CACNA2D3: variants seen among roughly 807,000 people sequenced by gnomAD.
The protein encoded by CACNA2D3 is calcium voltage-gated channel auxiliary subunit alpha2delta 3, also known as voltage-dependent calcium channel subunit alpha-2/delta-3.
In CACNA2D3, 60 loss-of-function variants were observed where a neutral mutation model predicts 160.6. The observed-to-expected ratio is 0.37, with a 90% CI of 0.30 to 0.46. CACNA2D3 has a LOEUF of 0.46. CACNA2D3 is among the 20% of genes least tolerant of loss of function. CACNA2D3 has a pLI of 1.00. For synonymous variants in CACNA2D3, 558 were observed against 492.9 expected, an observed-to-expected ratio of 1.13 and a Z score of -1.75; for missense variants, 1,205 against 1,365.0, an observed-to-expected ratio of 0.88 and a Z score of 1.85.
At chr3:54,812,325 G>T (rs1703338823) in intron 13 of CACNA2D3, among the ~76,000 whole-genome samples, 2 of 151,892 alleles carry the variant, frequency 1.3e-5, no homozygotes, top group Non-Finnish European at 2.9e-5. Context: ...CCAATTGCAG[G>T]TATGTGGTAC....
At chr3:54,788,466 T>C (rs910745293) in intron 13 of CACNA2D3, among the ~76,000 whole-genome samples, 1 of 152,180 alleles carries the variant, frequency 6.6e-6, no homozygotes, top group African/African-American at 2.4e-5. Flanking sequence ...TTCCTCTTAG[T>C]ATCCATTCAA....
intron 10 of CACNA2D3, chr3:54,632,209 A>G (rs965300620): frequency 6.6e-6 from 1 of 152,272 alleles, no homozygotes; most frequent in African/African-American, 2.4e-5. Flanking sequence ...GGACTCAGCC[A>G]GAGAAGAAAG....
At chr3:54,891,624 C>A (rs1700070976) in intron 25 of CACNA2D3, among the ~76,000 whole-genome samples, 174 bp downstream of exon 25, 1 of 152,230 alleles carries the variant, frequency 6.6e-6, no homozygotes, top group African/African-American at 2.4e-5. Flanking sequence ...CATGTGCTTT[C>A]ACCTGCCTGT....
intron 2 of CACNA2D3, among the ~76,000 whole-genome samples, chr3:54,271,020 A>G (rs1427757597): frequency 6.6e-6 from 1 of 152,236 alleles, no homozygotes; most frequent in African/African-American, 2.4e-5. Flanking sequence ...GGAAGGAGGC[A>G]GGAGGGCTGC....
intron 2 of CACNA2D3, among the ~76,000 whole-genome samples, chr3:54,320,044 A>G (rs1213555936): frequency 3.9e-5 from 6 of 152,214 alleles, no homozygotes; most frequent in African/African-American, 1.2e-4. Flanking sequence ...AGGGACCCAT[A>G]GGAGTTTTGG....
At chr3:54,916,544 C>T (rs1318911633) in intron 27 of CACNA2D3, among the ~76,000 whole-genome samples, 1 of 152,108 alleles carries the variant, frequency 6.6e-6, no homozygotes, top group African/African-American at 2.4e-5. Flanking sequence ...AACTTTGTCC[C>T]CTAGAAAAAT....
chr3:54,751,586 T>G (rs531785278), intron 11 of CACNA2D3, among the ~76,000 whole-genome samples: 5 of 152,264 alleles, frequency 3.3e-5, no homozygotes, highest in South Asian at 4.1e-4. Flanking sequence ...GTGGAGCAGA[T>G]CGACTTCACA....
At chr3:54,711,730 A>T (rs1700957409) in intron 11 of CACNA2D3, among the ~76,000 whole-genome samples, 1 of 152,206 alleles carries the variant, frequency 6.6e-6, no homozygotes. Context: ...TCTGGGAAAA[A>T]GGAGAAATAG....
chr3:54,516,273 T>G (rs1343957877), intron 5 of CACNA2D3, among the ~76,000 whole-genome samples: 1 of 152,208 alleles, frequency 6.6e-6, no homozygotes, highest in Non-Finnish European at 1.5e-5. Context: ...ATGACCTTTC[T>G]TATTTCTGAA....
chr3:54,196,499 A>C (rs1464674180), intron 2 of CACNA2D3, among the ~76,000 whole-genome samples: 1 of 152,226 alleles, frequency 6.6e-6, no homozygotes, highest in Non-Finnish European at 1.5e-5. Flanking sequence ...CCCACGTCAC[A>C]GCCCTCCCAG....
intron 10 of CACNA2D3, chr3:54,638,271 C>T (rs1360175132): frequency 1.3e-5 from 2 of 151,962 alleles, no homozygotes; most frequent in Non-Finnish European, 2.9e-5. Context: ...GAGCCATGAA[C>T]TGGGCTAGAT....
chr3:54,412,665 A>G (rs554959119), intron 4 of CACNA2D3, among the ~76,000 whole-genome samples: 1 of 126,200 alleles, frequency 7.9e-6, no homozygotes, highest in South Asian at 2.6e-4. Context: ...TTAGTCATTT[A>G]CACTTTATGT....
intron 11 of CACNA2D3, among the ~76,000 whole-genome samples, chr3:54,689,510 TC>T (rs778791544): frequency 2.2e-4 from 33 of 152,112 alleles, no homozygotes; most frequent in Admixed American, 3.9e-4. Context: ...CTAATGGGCA[TC>T]TCAGACTTCT....
At chr3:54,350,982 G>GTTTTTTTTTTTTTTTTTTTTTTTTTTT (rs1491034355) in intron 3 of CACNA2D3, among the ~76,000 whole-genome samples, 1 of 61,800 alleles carries the variant, frequency 1.6e-5, no homozygotes, top group Non-Finnish European at 3.0e-5. Context: ...TTTTTTTTTT[G>GTTTTTTTTTTTTTTTTTTTTTTTTTTT]TTTGTTTTTT....
At position 54,296,261 on chromosome 3, in the gene CACNA2D3, C is replaced by G. The variant is rs1308040062; in HGVS notation, c.205-24181C>G. Among the ~76,000 whole-genome samples, 3 of 152,190 alleles carry G rather than the reference C, an allele frequency of 2.0e-5. No individual in the cohort carries two copies. The East Asian group carries it at 5.8e-4, about 29-fold the overall frequency. On this transcript the variant is annotated intron_variant, in intron 2 of 37. Transcript: ENST00000474759. ...AGTGAAGTCCAGTGGGAGAACCAAC[C>G]AGACCTTTTCCAGAGGATGTCTTTT...
intron 2 of CACNA2D3, among the ~76,000 whole-genome samples, chr3:54,138,529 T>C (rs569253134): frequency 1.4e-4 from 21 of 152,262 alleles, no homozygotes; most frequent in Non-Finnish European, 2.8e-4. Flanking sequence ...TTGTACTTGC[T>C]GGACAAATAC....
intron 2 of CACNA2D3, among the ~76,000 whole-genome samples, chr3:54,150,057 A>G (rs1185627427): frequency 1.3e-5 from 2 of 150,332 alleles, no homozygotes; most frequent in Non-Finnish European, 1.5e-5. Flanking sequence ...AACACATACA[A>G]GCACACACAA....
chr3:54,265,832 C>T lies in CACNA2D3; in HGVS notation c.205-54610C>T, dbSNP rs1217144764. Among the ~76,000 whole-genome samples the T allele has an allele frequency of 1.9e-4, 29 of 150,746 alleles. 1 individual carries two copies. The highest frequency in any genetic ancestry group is 1.9e-3 in the Admixed American group (29 of 15,098). ...TCTTTTTCTCTCCAGTTAGAACCCA[C>T]TACTTGAAGGATTTTAAATTTCAGA... On this transcript the variant is annotated intron_variant, in intron 2 of 37. Coordinates refer to ENST00000474759, the MANE Select transcript of CACNA2D3 (RefSeq NM_018398.3).
At chr3:54,152,696 G>T (rs1321296045) in intron 2 of CACNA2D3, among the ~76,000 whole-genome samples, 1 of 152,278 alleles carries the variant, frequency 6.6e-6, no homozygotes, top group Non-Finnish European at 1.5e-5. Context: ...TAGTGTTTAT[G>T]GGACAGTGAC....
Sources: allele counts gnomAD v4.1 joint callset (sites outside exome capture counted in the v4.1 genomes callset), GRCh38; gene constraint gnomAD v4.1.1; transcripts MANE v1.5; gene names NCBI Gene and HGNC (gene_info 2026-07-23, HGNC 2026-07-21).